Variants in SART1 observed in about 807,000 individuals in gnomAD.
SART1 encodes spliceosome associated factor 1, recruiter of U4/U6.U5 tri-snRNP.
Under a neutral mutation model 105.0 loss-of-function variants are expected in SART1, and 28 were observed. The observed-to-expected ratio is 0.27, with a 90% CI of 0.20 to 0.37. SART1 has a LOEUF of 0.37. Ranked by LOEUF, SART1 falls within the 10% of genes least tolerant of loss-of-function variation. The probability of loss-of-function intolerance (pLI) is 1.00; values close to 1 mark genes in which losing one functional copy is unlikely to be tolerated. For synonymous variants in SART1, 472 were observed against 462.9 expected, an observed-to-expected ratio of 1.02 and a Z score of -0.25; for missense variants, 894 against 1,106.5, an observed-to-expected ratio of 0.81 and a Z score of 2.72.
intron 12 of SART1, among the ~76,000 whole-genome samples, chr11:65,972,697 T>G (rs1232469211): frequency 6.7e-6 from 1 of 150,260 alleles, no homozygotes; most frequent in Non-Finnish European, 1.5e-5. Context: ...AATCTAGGAG[T>G]TCGAGGTTAT....
intron 1 of SART1, among the ~76,000 whole-genome samples, chr11:65,963,699 C>G (rs1037968219): frequency 3.3e-5 from 5 of 152,130 alleles, no homozygotes; most frequent in African/African-American, 4.8e-5. Flanking sequence ...CCAGGCTGGT[C>G]TTGAACTTCT....
chr11:65,976,268 G>T lies in SART1; in HGVS notation c.1573-127G>T, dbSNP rs781047225. The T allele has an allele frequency of 2.2e-6, 2 of 917,008 alleles. No homozygotes were observed. Among genetic ancestry groups the T allele is most frequent in the East Asian group, 2.8e-5 (1 of 36,038 alleles). 56.8% of individuals were successfully genotyped at this position (917,008 alleles called of 1,614,324 possible). On this transcript the variant is annotated intron_variant, in intron 12 of 19. Transcript: ENST00000312397. This position sits in a 1 kb window ranked among gnomAD's most constrained non-coding sequence, Gnocchi z 5.1. ...GAGTGGAGTTAGGCGGCAGATAGCA[G>T]CTGGGCCTGCATGGGCTGTGGGCGT...
At chr11:65,972,409 A>G (rs1246716551) in intron 12 of SART1, among the ~76,000 whole-genome samples, 1 of 152,188 alleles carries the variant, frequency 6.6e-6, no homozygotes, top group Non-Finnish European at 1.5e-5. Flanking sequence ...CACCTTGCAG[A>G]TAGATTAAGA....
intron 12 of SART1, among the ~76,000 whole-genome samples, chr11:65,974,010 T>C (rs1474882680): frequency 6.6e-6 from 1 of 151,914 alleles, no homozygotes; most frequent in Non-Finnish European, 1.5e-5. Flanking sequence ...AGGGCATTAG[T>C]GATGCTGCCC....
intron 4 of SART1, 47 bp downstream of exon 4, chr11:65,965,265 A>C: frequency 6.2e-7 from 1 of 1,607,750 alleles, no homozygotes; most frequent in Non-Finnish European, 8.5e-7. Flanking sequence ...TGGGGAGGCC[A>C]CCATCCTTGG....
In SART1 at chr11:65,975,078, AT is replaced by A. The variant is rs1450500763; in HGVS notation, c.1573-1316del. 2.0e-5 allele frequency among the ~76,000 whole-genome samples: 3 copies of A among 149,060 alleles called. No homozygotes were observed. In the East Asian group the frequency reaches 5.9e-4, roughly 29 times the overall value. On this transcript the variant is annotated intron_variant, in intron 12 of 19. Coordinates refer to ENST00000312397, the MANE Select transcript of SART1 (RefSeq NM_005146.5). ...AATTAAAAGACAAACAAACAAACAA[AT>A]GTTCCTGGATGTCCTGGAAGACTTT...
intron 12 of SART1, among the ~76,000 whole-genome samples, chr11:65,968,487 G>A (rs1855307896): frequency 6.6e-6 from 1 of 152,130 alleles, no homozygotes; most frequent in Non-Finnish European, 1.5e-5. Flanking sequence ...TGTTAATGCA[G>A]GAACGGTAAT....
At position 65,978,301 on chromosome 11, in the gene SART1, T is replaced by C; in HGVS notation, c.2173-299T>C. The C allele has an allele frequency of 3.9e-6, 2 of 513,242 alleles. No individual in the cohort carries two copies. The highest frequency in any genetic ancestry group is 3.9e-5 in the East Asian group (1 of 25,542). The allele number at this position is 513,242 out of a possible 1,614,324, so 31.8% of individuals were successfully genotyped here. A position where few individuals can be genotyped will look rare whatever the true frequency, so the allele number is the denominator to read the frequency against. On this transcript the variant is annotated intron_variant, in intron 17 of 19. Transcript: ENST00000312397. This position sits in a 1 kb window ranked among gnomAD's most constrained non-coding sequence, Gnocchi z 6.8. ...GCCCCCTTGCTCTCTGGGGTTTGTC[T>C]CCCTGCAGCCCCAGCCCCAGCCCCA...
At position 65,975,809 on chromosome 11, in the gene SART1, T is replaced by C. The variant is rs555188697; in HGVS notation, c.1573-586T>C. 2.5e-3 allele frequency among the ~76,000 whole-genome samples: 381 copies of C among 152,010 alleles called. 3 individuals are homozygous for C. The highest frequency in any genetic ancestry group is 4.0e-3 in the Non-Finnish European group (273 of 67,974). ...GTTTTTTAAAGAGGGGAGATGGTAA[T>C]CATTGTGTGTGGCTGGGCATCTGCG... On this transcript the variant is annotated intron_variant, in intron 12 of 19. Coordinates refer to ENST00000312397, the MANE Select transcript of SART1 (RefSeq NM_005146.5).
chr11:65,967,944 GGTTT>G (rs955852741), intron 12 of SART1, 123 bp downstream of exon 12: 18 of 871,236 alleles, frequency 2.1e-5, no homozygotes, highest in East Asian at 1.3e-4. Context: ...TTGTTTTCTG[GGTTT>G]GTTTTTTTTT....
chr11:65,973,875 C>T (rs1408737603), intron 12 of SART1, among the ~76,000 whole-genome samples: 4 of 152,042 alleles, frequency 2.6e-5, no homozygotes, highest in Non-Finnish European at 5.9e-5. Context: ...CAGTGTGACT[C>T]AGGTTATAGA....
Position 65,979,111 on chromosome 11 carries a change from TAC to T in SART1, c.*83_*84del. 1.3e-6 allele frequency: 2 copies of T among 1,576,208 alleles called. No homozygotes were observed. The highest frequency in any genetic ancestry group is 8.7e-7 in the Non-Finnish European group (1 of 1,151,582). On this transcript the variant is annotated 3_prime_UTR_variant, in exon 20 of 20. Transcript: ENST00000312397. ...CTTATTTTTTCCTCCCTGGTCGTGG[TAC>T]AGATTCCAGGGTTGGATCTTTGGTT...
Position 65,978,528 on chromosome 11 carries a change from A to T in SART1, c.2173-72A>T. On this transcript the variant is annotated intron_variant, in intron 17 of 19. Coordinates refer to ENST00000312397, the MANE Select transcript of SART1 (RefSeq NM_005146.5). The surrounding 1 kb of genome is among the most constrained non-coding windows in gnomAD (Gnocchi z 6.8). ...CAATCAACACCCGCCCTGTTATTAT[A>T]CACCTTGTGGGCACAGGTGGCTCCG... The T allele has an allele frequency of 1.4e-6, 2 of 1,437,596 alleles. No individual in the cohort carries two copies. Among genetic ancestry groups the T allele is most frequent in the South Asian group, 2.5e-5 (2 of 81,618 alleles). 89.1% of individuals were successfully genotyped at this position (1,437,596 alleles called of 1,614,324 possible). A position where few individuals can be genotyped will look rare whatever the true frequency, so the allele number is the denominator to read the frequency against.
rs766974192 is a variant in SART1, at chr11:65,967,224, G to GC, written c.1189-30dup. On this transcript the variant is annotated intron_variant, in intron 9 of 19. Coordinates refer to ENST00000312397, the MANE Select transcript of SART1 (RefSeq NM_005146.5). ...GCTTGTGGCGACCTGCCTTTCTGTG[G>GC]CCCCCGCTCCATGTCTCGCCCCTCT... 7.5e-6 allele frequency: 12 copies of GC among 1,605,838 alleles called. No individual in the cohort carries two copies. In the African/African-American group the frequency reaches 9.4e-5, roughly 13 times the overall value.
At chr11:65,967,626 A>G in intron 11 of SART1, 40 bp downstream of exon 11, 6 of 1,602,598 alleles carry the variant, frequency 3.7e-6, no homozygotes, top group Non-Finnish European at 5.1e-6. Context: ...CAGGGACAGG[A>G]GCCGCGGGTT....
At position 65,976,427 on chromosome 11, in the gene SART1, C is replaced by G. The variant is rs747693158; in HGVS notation, c.1605C>G (p.Arg535=). The change falls in exon 13 of 20, where the codon CGC becomes CGG. Residue 535 remains arginine, a synonymous_variant. Coordinates refer to ENST00000312397, the MANE Select transcript of SART1 (RefSeq NM_005146.5). The surrounding 1 kb of genome is among the most constrained non-coding windows in gnomAD (Gnocchi z 5.1). ...AGATTGTGAAGAAGCTGGAGTCTCG[C>G]CAGCGGGGCTGGGAGGAGGATGAGG... ...VVEIVKKLES[R]QRGWEEDEDP... 177 of 1,561,354 alleles carry G rather than the reference C, an allele frequency of 1.1e-4. No individual in the cohort carries two copies. Among genetic ancestry groups the G allele is most frequent in the Middle Eastern group, 1.0e-3 (6 of 5,772 alleles).
Position 65,976,892 on chromosome 11 carries a change from C to A in SART1, c.1858-122C>A. On this transcript the variant is annotated intron_variant, in intron 14 of 19. Coordinates refer to ENST00000312397, the MANE Select transcript of SART1 (RefSeq NM_005146.5). This position sits in a 1 kb window ranked among gnomAD's most constrained non-coding sequence, Gnocchi z 5.1. ...GGCTCTGCAGACCTCCCAGGGCGATCTGAGGAGTAAATGAGGAAATTAAAT... is the reference window on the plus strand; with the variant it reads ...GGCTCTGCAGACCTCCCAGGGCGATATGAGGAGTAAATGAGGAAATTAAAT... 2 of 1,117,088 alleles carry A rather than the reference C, an allele frequency of 1.8e-6. No individual in the cohort carries two copies. Among genetic ancestry groups the A allele is most frequent in the Non-Finnish European group, 1.3e-6 (1 of 757,066 alleles). 69.2% of individuals were successfully genotyped at this position (1,117,088 alleles called of 1,614,324 possible). A position where few individuals can be genotyped will look rare whatever the true frequency, so the allele number is the denominator to read the frequency against.
rs1190152556 is a variant in SART1 at position 65,975,063 on chromosome 11, C to T, written c.1573-1332C>T. Among the ~76,000 whole-genome samples the T allele has an allele frequency of 4.0e-5, 6 of 149,116 alleles. No homozygotes were observed. The South Asian group carries it at 1.3e-3, about 32-fold the overall frequency. On this transcript the variant is annotated intron_variant, in intron 12 of 19. Coordinates refer to ENST00000312397, the MANE Select transcript of SART1 (RefSeq NM_005146.5). ...TCAAAAAGAAATAAAAATTAAAAGA[C>T]AAACAAACAAACAAATGTTCCTGGA...
At chr11:65,970,361 A>G (rs1175430892) in intron 12 of SART1, among the ~76,000 whole-genome samples, 1 of 152,224 alleles carries the variant, frequency 6.6e-6, no homozygotes, top group Non-Finnish European at 1.5e-5. Context: ...TGTTGTAAGC[A>G]GCATCCAATC....
Sources: gnomAD v4.1 joint callset for allele counts (sites outside exome capture counted in the v4.1 genomes callset) on GRCh38, gnomAD v4.1.1 for gene constraint, Gnocchi (gnomAD v3.1) non-coding constraint, MANE v1.5 for transcripts, NCBI Gene and HGNC (gene_info 2026-07-23, HGNC 2026-07-21) for gene names.